KRT77: variants seen among roughly 807,000 people sequenced by gnomAD.
The protein encoded by KRT77 is keratin, type II cytoskeletal 1b.
A neutral mutation model predicts 51.5 loss-of-function variants in KRT77; 44 were observed. The ratio of observed to expected loss-of-function variants is 0.85; its 90% CI spans 0.67 to 1.10. The LOEUF is 1.10. Ranked by LOEUF, KRT77 falls within the 50% of genes least tolerant of loss-of-function variation. The probability of loss-of-function intolerance (pLI) is 0.00; values close to 1 mark genes in which losing one functional copy is unlikely to be tolerated. For synonymous variants in KRT77, 293 were observed against 302.0 expected (o/e 0.97, Z 0.31); for missense variants, 763 against 743.9 (o/e 1.03, Z -0.30).
rs1307865391 is a variant in KRT77, at chr12:52,691,406, C to T, written c.1496G>A (p.Gly499Asp). ...GCCGTAGCTGCCGCCGCCTCCCGCG[C>T]CGCCGTTGACGCTCACCTGGCTGTT... ...VQNSQVSVNGGAGGGGSYGSG... is the reference protein window; with the variant it reads ...VQNSQVSVNGDAGGGGSYGSG... The change falls in exon 9 of 9, where the codon GGC (glycine) becomes GAC (aspartate). Residue 499 changes from glycine to aspartate, a missense_variant. Coordinates refer to ENST00000341809, the MANE Select transcript of KRT77 (RefSeq NM_175078.3). The T allele has an allele frequency of 2.5e-6, 4 of 1,598,154 alleles. No homozygotes were observed. In the African/African-American group the frequency reaches 4.0e-5, roughly 16 times the overall value.
chr12:52,691,438 G>C lies in KRT77; in HGVS notation c.1464C>G (p.Ser488=). 6.3e-7 allele frequency: 1 copy of C among 1,584,222 alleles called. No homozygotes were observed. Among genetic ancestry groups the C allele is most frequent in the Middle Eastern group, 1.8e-4 (1 of 5,574 alleles). ...SGELQSHVSI[S]VQNSQVSVNG... The stretch of plus-strand genomic sequence containing the variant: ...TGACGCTCACCTGGCTGTTCTGCAC[G>C]GCTGTGGGTAGGGGACAGTGCACAC... The change falls in exon 9 of 9, where the codon TCC becomes TCG. Residue 488 remains serine, a splice_region_variant and synonymous_variant. Transcript: ENST00000341809.
At chr12:52,696,831 A>C (rs1592273476) in intron 2 of KRT77, 1 of 170,788 alleles carries the variant, frequency 5.9e-6, no homozygotes, top group Non-Finnish European at 1.3e-5. Context: ...TCTGTACCCC[A>C]CCCCCCACCA....
Position 52,702,964 on chromosome 12 carries a change from A to T in KRT77, c.471T>A (p.Ile157=). Residue 157 remains isoleucine (I), a synonymous_variant, in exon 1 of 9, where the codon ATT becomes ATA. Coordinates refer to ENST00000341809, the MANE Select transcript of KRT77 (RefSeq NM_175078.3). ...EPLHLEVDPE[I]QRIKTQEREQ... is the part of the protein sequence containing the mutation. ...CCCGCTCCTGGGTCTTGATCCTCTGAATTTCAGGGTCCACCTCCAGGTGAA... is the reference window on the plus strand; with the variant it reads ...CCCGCTCCTGGGTCTTGATCCTCTGTATTTCAGGGTCCACCTCCAGGTGAA... 13 of 1,613,988 alleles carry T rather than the reference A, an allele frequency of 8.1e-6. No individual in the cohort carries two copies. The highest frequency in any genetic ancestry group is 1.1e-5 in the Non-Finnish European group (13 of 1,180,012).
chr12:52,692,004 C>G, intron 7 of KRT77, 32 bp from the exon 8 acceptor site: 1 of 1,612,980 alleles, frequency 6.2e-7, no homozygotes, highest in East Asian at 2.2e-5. Flanking sequence ...TCAGCCAGAC[C>G]CACAGGGCCT....
chr12:52,698,411 G>A (rs181669000), intron 1 of KRT77, among the ~76,000 whole-genome samples: 5 of 152,318 alleles, frequency 3.3e-5, no homozygotes, highest in African/African-American at 1.2e-4. Flanking sequence ...TGTCTGCCGG[G>A]ATGTTTGTCA....
At position 52,694,746 on chromosome 12, in the gene KRT77, G is replaced by A. The variant is rs1272247682; in HGVS notation, c.960C>T (p.Ile320=). The change falls in exon 5 of 9, where the codon ATC becomes ATT. Residue 320 remains isoleucine, a synonymous_variant. Coordinates refer to ENST00000341809, the MANE Select transcript of KRT77 (RefSeq NM_175078.3). ...GGGAACGGTTATTGTCCATGGACAG[G>A]ATGACGTTGGTGTCGCTGATGTGAG... ...VQTHISDTNV[I]LSMDNNRSLD... 1 of 1,612,348 alleles carries A rather than the reference G, an allele frequency of 6.2e-7. No individual in the cohort carries two copies. The highest frequency in any genetic ancestry group is 8.5e-7 in the Non-Finnish European group (1 of 1,178,670).
intron 1 of KRT77, among the ~76,000 whole-genome samples, chr12:52,701,302 G>A (rs1941884171): frequency 6.6e-6 from 1 of 152,198 alleles, no homozygotes; most frequent in South Asian, 2.1e-4. Context: ...AATTTCCCAC[G>A]CAGCATGATC....
chr12:52,692,050 C>A, intron 7 of KRT77, 78 bp from the exon 8 acceptor site: 1 of 1,467,886 alleles, frequency 6.8e-7, no homozygotes, highest in Non-Finnish European at 9.5e-7. Context: ...ACATCTGGAT[C>A]AGAGGTGTCC....
At chr12:52,693,162 A>G (rs1941742655) in intron 5 of KRT77, among the ~76,000 whole-genome samples, 1 of 150,430 alleles carries the variant, frequency 6.6e-6, no homozygotes. Flanking sequence ...TGCCCTTTCT[A>G]CCACCTTTTC....
chr12:52,692,821 C>T lies in KRT77; in HGVS notation c.1140G>A (p.Met380Ile), dbSNP rs781520591. The change falls in exon 6 of 9, where the codon ATG (methionine) becomes ATA (isoleucine). Residue 380 changes from methionine (M) to isoleucine (I), a missense_variant. Transcript: ENST00000341809. Reference sequence around the variant, plus strand: ...CGGTGCGGTTGAGCTCTGCAATCTCCATCTTGCTGTTCTTCAGGTCGTCTC... The same window carrying T: ...CGGTGCGGTTGAGCTCTGCAATCTCTATCTTGCTGTTCTTCAGGTCGTCTC... ...RHGDDLKNSK[M>I]EIAELNRTVQ... The T allele has an allele frequency of 6.2e-7, 1 of 1,604,120 alleles. No homozygotes were observed. Among genetic ancestry groups the T allele is most frequent in the Admixed American group, 1.7e-5 (1 of 59,718 alleles).
chr12:52,693,100 C>T (rs1941741688), intron 5 of KRT77, among the ~76,000 whole-genome samples: 1 of 150,832 alleles, frequency 6.6e-6, no homozygotes, highest in South Asian at 2.1e-4. Flanking sequence ...TCCCGCATTC[C>T]CACCAGTCTC....
chr12:52,696,002 A>G (rs1044435493), intron 3 of KRT77, 135 bp from the exon 4 acceptor site: 9 of 653,856 alleles, frequency 1.4e-5, no homozygotes, highest in African/African-American at 1.3e-4. Flanking sequence ...CCGCACTCGA[A>G]TAAGGGACCC....
rs1187642685 is a variant in KRT77 at position 52,703,229 on chromosome 12, C to T, written c.206G>A (p.Ser69Asn). 1.7e-5 allele frequency: 27 copies of T among 1,613,344 alleles called. No homozygotes were observed. The highest frequency in any genetic ancestry group is 2.2e-5 in the East Asian group (1 of 44,856). The change falls in exon 1 of 9, where the codon AGC becomes AAC. Residue 69 changes from serine (S) to asparagine (N), a missense_variant. Physicochemically the swap from Ser to Asn is conservative, Grantham distance 46. Coordinates refer to ENST00000341809, the MANE Select transcript of KRT77 (RefSeq NM_175078.3). ...CCTCCCCATTAGATTAATGGAGATG[C>T]TTCTACTGCCACCCAGATTGTAGAG... ...RSLYNLGGSR[S>N]ISINLMGRST...
At position 52,691,369 on chromosome 12, in the gene KRT77, G is replaced by A. The variant is rs760849255; in HGVS notation, c.1533C>T (p.Tyr511=). The A allele has an allele frequency of 2.5e-6, 4 of 1,603,282 alleles. No homozygotes were observed. The highest frequency in any genetic ancestry group is 3.4e-6 in the Non-Finnish European group (4 of 1,177,466). The change falls in exon 9 of 9, where the codon TAC becomes TAT. Residue 511 remains tyrosine, a synonymous_variant. Coordinates refer to ENST00000341809, the MANE Select transcript of KRT77 (RefSeq NM_175078.3). The part of the protein sequence containing the change: ...GGGGSYGSGG[Y]GGGSGGGYGG... ...CATAGCCCCCACCGCTGCCGCCGCC[G>A]TAGCCTCCTGAGCCGTAGCTGCCGC...
chr12:52,697,817 G>T lies in KRT77; in HGVS notation c.623C>A (p.Thr208Asn), dbSNP rs75308431. ...CTCCAAGAGGGGCTCCAGGTTGTTG[G>T]TTCCAGTTGAGGTGTTCACCTGCTG... Reference protein sequence around the residue: ...LLQQVNTSTGTNNLEPLLENY... With the variant: ...LLQQVNTSTGNNNLEPLLENY... Residue 208 changes from threonine to asparagine, a missense_variant, in exon 2 of 9, where the codon ACC becomes AAC. Transcript: ENST00000341809. 133 of 1,614,088 alleles carry T rather than the reference G, an allele frequency of 8.2e-5. 1 individual carries two copies. In the East Asian group the frequency reaches 2.9e-3, roughly 35 times the overall value.
At chr12:52,692,725 T>C (rs1232558904) in intron 6 of KRT77, 30 bp downstream of exon 6, 2 of 1,601,870 alleles carry the variant, frequency 1.2e-6, no homozygotes, top group Admixed American at 1.7e-5. Context: ...GTGCAGGGCT[T>C]GGTCAGCCCT....
rs772489280 is a variant in KRT77 at position 52,692,562 on chromosome 12, T to A, written c.1286A>T (p.Gln429Leu). The A allele has an allele frequency of 1.1e-5, 16 of 1,414,364 alleles. 1 individual carries two copies. The highest frequency in any genetic ancestry group is 1.8e-5 in the Admixed American group (1 of 55,598). 87.6% of individuals were successfully genotyped at this position (1,414,364 alleles called of 1,614,324 possible). ...QALQDAWQKL[Q>L]DLEEALQQSK... The stretch of plus-strand genomic sequence containing the variant: ...CTGCTGCAGGGCCTCCTCCAGGTCC[T>A]GCAGCTTCTGCCACGCATCCTGGAG... Residue 429 changes from glutamine (Q) to leucine (L), a missense_variant, in exon 7 of 9, where the codon CAG becomes CTG. Gln to Leu is a moderately radical substitution (Grantham distance 113). Transcript: ENST00000341809.
At chr12:52,694,881 G>C in intron 4 of KRT77, 91 bp from the exon 5 acceptor site, 1 of 1,220,844 alleles carries the variant, frequency 8.2e-7, no homozygotes, top group Admixed American at 2.3e-5. Flanking sequence ...CTCGGGGGAA[G>C]CCAGAAGCCT....
chr12:52,692,591 C>G lies in KRT77; in HGVS notation c.1257G>C (p.Gln419His), dbSNP rs1190297738. ...GCTTCTGCCACGCATCCTGGAGGGC[C>G]TGCTCGCCTCTCTCCTCAGCATCCG... ...LISDAEERGEQALQDAWQKLQ... is the reference protein window; with the variant it reads ...LISDAEERGEHALQDAWQKLQ... The change falls in exon 7 of 9, where the codon CAG (glutamine) becomes CAC (histidine). Residue 419 changes from glutamine to histidine, a missense_variant. Gln to His is a conservative substitution (Grantham distance 24). Transcript: ENST00000341809. The G allele has an allele frequency of 1.3e-6, 2 of 1,535,502 alleles. No homozygotes were observed. Among genetic ancestry groups the G allele is most frequent in the African/African-American group, 1.4e-5 (1 of 73,290 alleles).
Sources: allele counts gnomAD v4.1 joint callset (sites outside exome capture counted in the v4.1 genomes callset), GRCh38; gene constraint gnomAD v4.1.1; transcripts MANE v1.5; gene names NCBI Gene and HGNC (gene_info 2026-07-23, HGNC 2026-07-21).